CHEK1: variants seen among roughly 807,000 people sequenced by gnomAD.
The protein encoded by CHEK1 is checkpoint kinase 1.
Under a neutral mutation model 60.2 loss-of-function variants are expected in CHEK1, and 32 were observed. That is an observed-to-expected ratio of 0.53 (90% CI 0.40 to 0.71). CHEK1 has a LOEUF of 0.71. Ranked by LOEUF, CHEK1 falls within the 30% of genes least tolerant of loss-of-function variation. The pLI, the probability that CHEK1 is intolerant of heterozygous loss-of-function variation, is 0.00. For synonymous variants in CHEK1, 179 were observed against 187.2 expected (o/e 0.96, Z 0.36); for missense variants, 399 against 564.6 (o/e 0.71, Z 2.97).
chr11:125,664,083 C>G (rs894540091), intron 13 of CHEK1, among the ~76,000 whole-genome samples: 5 of 152,050 alleles, frequency 3.3e-5, no homozygotes, highest in African/African-American at 9.7e-5. Context: ...TAGTGCTATG[C>G]TGTTTTGGTT....
At chr11:125,637,412 A>G in intron 7 of CHEK1, 37 bp from the exon 8 acceptor site, 3 of 1,554,304 alleles carry the variant, frequency 1.9e-6, no homozygotes, top group Non-Finnish European at 2.6e-6. Flanking sequence ...CTCTAACATG[A>G]TTCTTTCGTG....
intron 13 of CHEK1, among the ~76,000 whole-genome samples, chr11:125,663,258 G>T (rs1417514623): frequency 6.6e-6 from 1 of 151,940 alleles, no homozygotes; most frequent in Non-Finnish European, 1.5e-5. Context: ...TTCTTATATG[G>T]ATCATGTTTC....
chr11:125,672,396 C>A (rs1277968316), intron 13 of CHEK1: 13 of 557,454 alleles, frequency 2.3e-5, no homozygotes, highest in African/African-American at 9.7e-5. Context: ...AGAGTTGGAG[C>A]AGGGAAGACA....
chr11:125,625,460 T>C lies in CHEK1; in HGVS notation c.-573T>C. ...TTCACAGTCGGCTCTCAGCAGCTGC[T>C]GCTGGTTTCTCGGCTCCAGCACCAC... On this transcript the variant is annotated 5_prime_UTR_variant, in exon 1 of 13. Coordinates refer to ENST00000438015, the MANE Select transcript of CHEK1 (RefSeq NM_001114122.3). 2.9e-6 allele frequency: 1 copy of C among 347,772 alleles called. No homozygotes were observed. The highest frequency in any genetic ancestry group is 5.3e-6 in the Non-Finnish European group (1 of 189,786). 21.5% of individuals were successfully genotyped at this position (347,772 alleles called of 1,614,324 possible). A position where few individuals can be genotyped will look rare whatever the true frequency, so the allele number is the denominator to read the frequency against.
rs1011779266 is a variant in CHEK1, at chr11:125,635,517, C to T, written c.702C>T (p.Ile234=). Residue 234 remains isoleucine, a synonymous_variant, in exon 7 of 13, where the codon ATC becomes ATT. Coordinates refer to ENST00000438015, the MANE Select transcript of CHEK1 (RefSeq NM_001114122.3). The stretch of plus-strand genomic sequence containing the variant: ...CATACCTCAACCCTTGGAAAAAAAT[C>T]GATTCTGCTCCTCTAGGTAACTGAA... ...KKTYLNPWKK[I]DSAPLALLHK... 14 of 1,601,790 alleles carry T rather than the reference C, an allele frequency of 8.7e-6. No homozygotes were observed. The highest frequency in any genetic ancestry group is 1.3e-5 in the African/African-American group (1 of 74,250).
At chr11:125,680,745 C>G, downstream of CHEK1, 1 of 1,613,738 alleles carries the variant, frequency 6.2e-7, no homozygotes, top group Non-Finnish European at 8.5e-7. Context: ...CAGATCCAAG[C>G]AGATAAAGAC....
At chr11:125,667,840 C>T (rs560351593) in intron 13 of CHEK1, among the ~76,000 whole-genome samples, 1 of 152,070 alleles carries the variant, frequency 6.6e-6, no homozygotes, top group African/African-American at 2.4e-5. Context: ...AGGCTGGTCT[C>T]GATCTCCTGA....
chr11:125,638,391 A>G (rs1941152295), intron 8 of CHEK1, among the ~76,000 whole-genome samples: 2 of 152,344 alleles, frequency 1.3e-5, no homozygotes, highest in South Asian at 4.1e-4. Context: ...TTTAAGAACT[A>G]GTATTGATAG....
In CHEK1 at chr11:125,643,930, G is replaced by T. The variant is rs984387709; in HGVS notation, c.923+30G>T. 3.0e-5 allele frequency: 47 copies of T among 1,581,560 alleles called. No homozygotes were observed. In the African/African-American group the frequency reaches 3.4e-4, roughly 11 times the overall value. ...GACTGATAAAGATTGAGTAGTTTTT[G>T]ATTGTAGTATTCCCCATGAAGAATA... On this transcript the variant is annotated intron_variant, in intron 9 of 12. Coordinates refer to ENST00000438015, the MANE Select transcript of CHEK1 (RefSeq NM_001114122.3).
intron 13 of CHEK1, among the ~76,000 whole-genome samples, chr11:125,669,478 G>C (rs976815518): frequency 1.4e-5 from 2 of 145,824 alleles, no homozygotes; most frequent in African/African-American, 5.1e-5. Flanking sequence ...TCAGTAATTT[G>C]CTTATTATGT....
Position 125,625,927 on chromosome 11 carries a change from G to C in CHEK1, c.-106G>C, listed in dbSNP as rs1242100203. On this transcript the variant is annotated 5_prime_UTR_variant, in exon 1 of 13. Transcript: ENST00000438015. The stretch of plus-strand genomic sequence containing the variant: ...GTCTTGCTTTACGGCGCGGGTGCGC[G>C]AGTTTGCGGCAGCGTGACGCCCTCA... The C allele has an allele frequency of 2.8e-6, 2 of 702,656 alleles. No homozygotes were observed. The highest frequency in any genetic ancestry group is 3.0e-5 in the South Asian group (2 of 67,606). The allele number at this position is 702,656 out of a possible 1,614,324, so 43.5% of individuals were successfully genotyped here. A position where few individuals can be genotyped will look rare whatever the true frequency, so the allele number is the denominator to read the frequency against.
rs892817697 is a variant in CHEK1, at chr11:125,645,478, G to A, written c.1233+835G>A. 1.1e-4 allele frequency among the ~76,000 whole-genome samples: 16 copies of A among 152,246 alleles called. No individual in the cohort carries two copies. In the East Asian group the frequency reaches 2.9e-3, roughly 28 times the overall value. On this transcript the variant is annotated intron_variant, in intron 11 of 12. Coordinates refer to ENST00000438015, the MANE Select transcript of CHEK1 (RefSeq NM_001114122.3). ...TTTTTTACTCAAGGAGACTAAAGAG[G>A]CCTGATAACTAAGTGCAAGTGCAAT...
At chr11:125,629,825 A>G (rs777592879) in intron 5 of CHEK1, among the ~76,000 whole-genome samples, 3 of 152,054 alleles carry the variant, frequency 2.0e-5, no homozygotes, top group Non-Finnish European at 2.9e-5. Context: ...GGCTCAAGCA[A>G]TCCTACCATC....
At chr11:125,663,848 A>G (rs541546069) in intron 13 of CHEK1, among the ~76,000 whole-genome samples, 2 of 152,294 alleles carry the variant, frequency 1.3e-5, no homozygotes, top group African/African-American at 2.4e-5. Flanking sequence ...TTTGTGGTAC[A>G]GGAAAGGAGT....
At chr11:125,634,201 G>T (rs1346833792) in intron 6 of CHEK1, among the ~76,000 whole-genome samples, 1 of 151,968 alleles carries the variant, frequency 6.6e-6, no homozygotes, top group Non-Finnish European at 1.5e-5. Context: ...CACCATGTTG[G>T]CCAGACTGGT....
chr11:125,627,525 C>A, intron 2 of CHEK1, 82 bp from the exon 3 acceptor site: 2 of 1,159,770 alleles, frequency 1.7e-6, no homozygotes, highest in Non-Finnish European at 2.4e-6. Flanking sequence ...GAGGTAAAAT[C>A]GTTTTGGATG....
chr11:125,665,536 G>A (rs1050771792), intron 13 of CHEK1, among the ~76,000 whole-genome samples: 3 of 151,984 alleles, frequency 2.0e-5, no homozygotes, highest in Non-Finnish European at 4.4e-5. Context: ...ACTTTTTTGA[G>A]TAGTTTGGGT....
Position 125,653,899 on chromosome 11 carries a change from T to A in CHEK1, c.1335+52T>A, listed in dbSNP as rs750986173. ...TCTATGGAAATATTTCTATATGAAT[T>A]TTTTTAATGGCATTATGTTTGTATA... On this transcript the variant is annotated intron_variant, in intron 12 of 12. Coordinates refer to ENST00000438015, the MANE Select transcript of CHEK1 (RefSeq NM_001114122.3). This position sits in a 1 kb window ranked among gnomAD's most constrained non-coding sequence, Gnocchi z 4.3. 5 of 1,087,094 alleles carry A rather than the reference T, an allele frequency of 4.6e-6. No individual in the cohort carries two copies. The highest frequency in any genetic ancestry group is 2.4e-5 in the Admixed American group (1 of 40,962). The allele number at this position is 1,087,094 out of a possible 1,614,324, so 67.3% of individuals were successfully genotyped here.
chr11:125,628,071 A>T (rs1277822443), intron 3 of CHEK1, among the ~76,000 whole-genome samples: 1 of 152,228 alleles, frequency 6.6e-6, no homozygotes, highest in Non-Finnish European at 1.5e-5. Flanking sequence ...TTGGTGTCTT[A>T]CAGAATTTAA....
Sources: gnomAD v4.1 joint callset for allele counts (sites outside exome capture counted in the v4.1 genomes callset) on GRCh38, gnomAD v4.1.1 for gene constraint, Gnocchi (gnomAD v3.1) non-coding constraint, MANE v1.5 for transcripts, NCBI Gene and HGNC (gene_info 2026-07-23, HGNC 2026-07-21) for gene names.